The following MAN1A2 variants were observed in gnomAD, a reference collection of about 807,000 sequenced individuals.
The protein encoded by MAN1A2 is mannosyl-oligosaccharide 1,2-alpha-mannosidase IB.
A neutral mutation model predicts 75.7 loss-of-function variants in MAN1A2; 26 were observed. The observed-to-expected ratio is 0.34, with a 90% CI of 0.25 to 0.48. The LOEUF is 0.48. Among genes scored for constraint, MAN1A2 ranks in the 20% least tolerant of loss-of-function variants. The pLI, the probability that MAN1A2 is intolerant of heterozygous loss-of-function variation, is 0.99. For missense variants in MAN1A2, 562 were observed against 775.5 expected, an observed-to-expected ratio of 0.72 and a Z score of 3.27; for synonymous variants, 247 against 264.6, an observed-to-expected ratio of 0.93 and a Z score of 0.65.
chr1:117,445,882 GTGTA>G (rs1162269165), intron 6 of MAN1A2, among the ~76,000 whole-genome samples: 20 of 134,852 alleles, frequency 1.5e-4, no homozygotes, highest in South Asian at 9.6e-4. Context: ...GTCTGTGTGT[GTGTA>G]TATATATATA....
intron 1 of MAN1A2, among the ~76,000 whole-genome samples, chr1:117,394,074 A>G (rs1057451907): frequency 7.3e-5 from 11 of 149,838 alleles, no homozygotes; most frequent in Admixed American, 4.7e-4. Context: ...GTGACAAAAG[A>G]CAGTGGGTTT....
At chr1:117,421,853 TA>T (rs2101782110) in intron 5 of MAN1A2, among the ~76,000 whole-genome samples, 1 of 152,202 alleles carries the variant, frequency 6.6e-6, no homozygotes, top group South Asian at 2.1e-4. Context: ...TAGAATCACA[TA>T]AGGTGTTTTA....
At chr1:117,470,730 T>G (rs1438378799) in intron 8 of MAN1A2, among the ~76,000 whole-genome samples, 2 of 152,008 alleles carry the variant, frequency 1.3e-5, no homozygotes, top group African/African-American at 4.8e-5. Flanking sequence ...TTTAATGTTT[T>G]TGTATATTTT....
Position 117,371,058 on chromosome 1 carries a change from G to T in MAN1A2, c.302+2573G>T, listed in dbSNP as rs556713413. ...TATCTACTTTACAGATTGTTTTATTGAAAGAGATAGTACATGCAAAGCACT... is the reference window on the plus strand; with the variant it reads ...TATCTACTTTACAGATTGTTTTATTTAAAGAGATAGTACATGCAAAGCACT... On this transcript the variant is annotated intron_variant, in intron 1 of 12. Coordinates refer to ENST00000356554, the MANE Select transcript of MAN1A2 (RefSeq NM_006699.5). Among the ~76,000 whole-genome samples, 115 of 152,108 alleles carry T rather than the reference G, an allele frequency of 7.6e-4. No homozygotes were observed. In the Middle Eastern group the frequency reaches 0.01, roughly 13 times the overall value.
At chr1:117,389,446 C>T (rs561160616) in intron 1 of MAN1A2, among the ~76,000 whole-genome samples, 1 of 152,280 alleles carries the variant, frequency 6.6e-6, no homozygotes, top group South Asian at 2.1e-4. Context: ...CTAATGCCAT[C>T]GCTGATCTGA....
chr1:117,415,470 A>C (rs1647961958), intron 4 of MAN1A2, among the ~76,000 whole-genome samples: 1 of 152,000 alleles, frequency 6.6e-6, no homozygotes, highest in South Asian at 2.1e-4. Flanking sequence ...TTAAATTGTG[A>C]TATAAGTCCA....
At chr1:117,445,894 A>ATATATG (rs1557953939) in intron 6 of MAN1A2, among the ~76,000 whole-genome samples, 4 of 144,104 alleles carry the variant, frequency 2.8e-5, no homozygotes, top group Non-Finnish European at 4.6e-5. Flanking sequence ...GTATATATAT[A>ATATATG]TATATGTATA....
At chr1:117,423,982 A>G (rs1192291399) in intron 5 of MAN1A2, among the ~76,000 whole-genome samples, 2 of 151,022 alleles carry the variant, frequency 1.3e-5, no homozygotes, top group African/African-American at 2.4e-5. Context: ...TCCCGGGTTC[A>G]AGCGATTCTC....
intron 6 of MAN1A2, among the ~76,000 whole-genome samples, chr1:117,457,734 C>T (rs937048325): frequency 3.9e-5 from 6 of 152,120 alleles, no homozygotes; most frequent in African/African-American, 1.4e-4. Flanking sequence ...AAATGGTATG[C>T]TTTATTCCTT....
At position 117,525,853 on chromosome 1, in the gene MAN1A2, C is replaced by A. The variant is rs1368621310; in HGVS notation, c.*2896C>A. ...TCCCCAGTCAGGTGGTTCTTACTTT[C>A]TTGTGGGTTGCACATTTTGTATCTC... On this transcript the variant is annotated 3_prime_UTR_variant, in exon 13 of 13. Coordinates refer to ENST00000356554, the MANE Select transcript of MAN1A2 (RefSeq NM_006699.5). The A allele has an allele frequency of 1.3e-5, 2 of 151,724 alleles. No homozygotes were observed. Among genetic ancestry groups the A allele is most frequent in the African/African-American group, 4.8e-5 (2 of 41,374 alleles). The allele number at this position is 151,724 out of a possible 1,614,324, so 9.4% of individuals were successfully genotyped here.
chr1:117,421,889 C>T (rs1648212579), intron 5 of MAN1A2, among the ~76,000 whole-genome samples: 1 of 151,984 alleles, frequency 6.6e-6, no homozygotes, highest in Admixed American at 6.6e-5. Context: ...CCAAGCCCTG[C>T]CCAAAGGACC....
At chr1:117,464,015 A>G (rs1649908200) in intron 7 of MAN1A2, among the ~76,000 whole-genome samples, 2 of 152,194 alleles carry the variant, frequency 1.3e-5, no homozygotes, top group South Asian at 4.1e-4. Flanking sequence ...AATTTAACGT[A>G]TGGGCCTTCC....
intron 3 of MAN1A2, among the ~76,000 whole-genome samples, chr1:117,410,977 G>A (rs750446340): frequency 1.3e-5 from 2 of 151,720 alleles, no homozygotes; most frequent in Non-Finnish European, 3.0e-5. Context: ...GGAGAGAAAT[G>A]CCATGTTGAT....
At chr1:117,480,055 C>T (rs762229013) in intron 8 of MAN1A2, among the ~76,000 whole-genome samples, 7 of 151,866 alleles carry the variant, frequency 4.6e-5, no homozygotes, top group Non-Finnish European at 8.8e-5. Context: ...CCAGTAGGCT[C>T]TTTGTAAGCA....
chr1:117,458,523 ATTTTTTT>A (rs5777311), intron 6 of MAN1A2, among the ~76,000 whole-genome samples: 2 of 105,608 alleles, frequency 1.9e-5, no homozygotes, highest in African/African-American at 6.9e-5. Flanking sequence ...ATATATATAT[ATTTTTTT>A]TTTTTTTTTT....
chr1:117,472,920 A>T (rs1650206088), intron 8 of MAN1A2, among the ~76,000 whole-genome samples: 1 of 151,964 alleles, frequency 6.6e-6, no homozygotes, highest in Non-Finnish European at 1.5e-5. Flanking sequence ...AAGCCAAAAG[A>T]TTGGTGGACA....
At chr1:117,464,659 A>G (rs996897360) in intron 7 of MAN1A2, among the ~76,000 whole-genome samples, 2 of 152,116 alleles carry the variant, frequency 1.3e-5, no homozygotes, top group African/African-American at 4.8e-5. Context: ...ACTAGATATA[A>G]TGTGTTGAGA....
chr1:117,403,188 T>C (rs1647500402), intron 2 of MAN1A2, among the ~76,000 whole-genome samples: 1 of 152,216 alleles, frequency 6.6e-6, no homozygotes, highest in South Asian at 2.1e-4. Context: ...GTTTAATTAT[T>C]ATAAAGTAAG....
At chr1:117,417,732 TC>T (rs1272478653) in intron 4 of MAN1A2, among the ~76,000 whole-genome samples, 1 of 149,624 alleles carries the variant, frequency 6.7e-6, no homozygotes, top group African/African-American at 2.5e-5. Context: ...TCTCTCTCTC[TC>T]ATCAAAGTAT....
Sources: gnomAD v4.1 joint callset for allele counts (sites outside exome capture counted in the v4.1 genomes callset) on GRCh38, gnomAD v4.1.1 for gene constraint, MANE v1.5 for transcripts, NCBI Gene and HGNC (gene_info 2026-07-23, HGNC 2026-07-21) for gene names.